Variants in ZNF423 observed in about 807,000 individuals in gnomAD.
ZNF423 encodes zinc finger protein 423.
A neutral mutation model predicts 95.8 loss-of-function variants in ZNF423; 12 were observed. The observed-to-expected ratio is 0.13, with a 90% CI of 0.08 to 0.20. The LOEUF (loss-of-function observed/expected upper bound fraction) is 0.20, where lower values mean the gene tolerates loss of function less well. ZNF423 is among the 10% of genes least tolerant of loss of function. The probability of loss-of-function intolerance (pLI) is 1.00; values close to 1 mark genes in which losing one functional copy is unlikely to be tolerated. For missense variants in ZNF423, 1,316 were observed against 1,737.1 expected, an observed-to-expected ratio of 0.76 and a Z score of 4.31; for synonymous variants, 749 against 711.9, an observed-to-expected ratio of 1.05 and a Z score of -0.83.
chr16:49,583,448 A>G (rs990558888), intron 5 of ZNF423, among the ~76,000 whole-genome samples: 2 of 152,226 alleles, frequency 1.3e-5, no homozygotes, highest in African/African-American at 4.8e-5. Flanking sequence ...ATGTCTATGG[A>G]TTCTAAATGA....
chr16:49,819,417 CAT>C (rs897014893), intron 1 of ZNF423, among the ~76,000 whole-genome samples: 3 of 152,080 alleles, frequency 2.0e-5, no homozygotes, highest in Admixed American at 1.3e-4. Flanking sequence ...CTCTAGAGCA[CAT>C]GTTACTGTTA....
intron 3 of ZNF423, among the ~76,000 whole-genome samples, chr16:49,674,963 C>T (rs2030984568): frequency 6.6e-6 from 1 of 152,206 alleles, no homozygotes; most frequent in Middle Eastern, 3.2e-3. Context: ...GGAAGTCCAT[C>T]CTTCCCACCA....
intron 7 of ZNF423, among the ~76,000 whole-genome samples, chr16:49,507,144 T>C (rs905761498): frequency 1.4e-4 from 21 of 152,200 alleles, no homozygotes; most frequent in African/African-American, 5.1e-4. Flanking sequence ...AGACTAATAA[T>C]ATCTACCTCA....
At chr16:49,847,118 G>C (rs546245066) in intron 1 of ZNF423, 8 of 152,324 alleles carry the variant, frequency 5.3e-5, no homozygotes, top group African/African-American at 1.9e-4. Flanking sequence ...TTCATGCCCA[G>C]GTAACGAAAG....
intron 3 of ZNF423, among the ~76,000 whole-genome samples, chr16:49,682,807 A>T (rs1043753240): frequency 3.3e-5 from 5 of 152,236 alleles, no homozygotes; most frequent in Non-Finnish European, 7.3e-5. Context: ...AAAGAACTCA[A>T]TAAACAGCAA....
chr16:49,829,708 C>T (rs776529296), intron 1 of ZNF423, among the ~76,000 whole-genome samples: 15 of 152,134 alleles, frequency 9.9e-5, no homozygotes, highest in African/African-American at 1.4e-4. Context: ...AGAAGCCCTG[C>T]CAGCAATCCC....
chr16:49,654,641 C>T (rs1012525061), intron 3 of ZNF423, among the ~76,000 whole-genome samples: 12 of 152,240 alleles, frequency 7.9e-5, no homozygotes, highest in African/African-American at 2.9e-4. Flanking sequence ...GATCTGTGTT[C>T]TTCCAAACAT....
chr16:49,677,292 A>AAGG (rs1567284019), intron 3 of ZNF423, among the ~76,000 whole-genome samples: 14 of 81,046 alleles, frequency 1.7e-4, no homozygotes, highest in Admixed American at 4.0e-4. Context: ...AGAAGAGAAG[A>AAGG]GAAGAGAAGA....
rs113486590 is a variant in ZNF423, at chr16:49,733,684, A to T, written c.101-2713T>A. Among the ~76,000 whole-genome samples the T allele has an allele frequency of 2.6e-5, 4 of 152,278 alleles. 1 individual carries two copies. The highest frequency in any genetic ancestry group is 9.6e-5 in the African/African-American group (4 of 41,550). On this transcript the variant is annotated intron_variant, in intron 2 of 7. Coordinates refer to ENST00000563137, the MANE Select transcript of ZNF423 (RefSeq NM_001379286.1). ...CAGGCCACACAAAGGCGCGGACCTC[A>T]TCCTCTGGGCTCCCAAGGGGTCCCA...
intron 2 of ZNF423, among the ~76,000 whole-genome samples, chr16:49,749,162 G>A (rs2033584864): frequency 6.6e-6 from 1 of 152,214 alleles, no homozygotes; most frequent in South Asian, 2.1e-4. Flanking sequence ...ACCAAAGACA[G>A]AAGCCCCAGA....
At chr16:49,801,405 G>A (rs2034581434) in intron 1 of ZNF423, among the ~76,000 whole-genome samples, 1 of 152,224 alleles carries the variant, frequency 6.6e-6, no homozygotes, top group Non-Finnish European at 1.5e-5. Flanking sequence ...GCTCACCTGG[G>A]GGCCCAGACG....
intron 5 of ZNF423, among the ~76,000 whole-genome samples, chr16:49,621,297 C>T (rs1315352774): frequency 6.6e-6 from 1 of 152,090 alleles, no homozygotes; most frequent in East Asian, 1.9e-4. Flanking sequence ...ATTCTCCATG[C>T]GGAGGGGGGA....
At position 49,637,991 on chromosome 16, in the gene ZNF423, G is replaced by T. The variant is rs961941214; in HGVS notation, c.1185C>A (p.Thr395=). ...TCTTCTGCCCCCGCAGCGGCTTCAAGGTGGAGTCCGGGGTGGAGCCACGCT... is the reference window on the plus strand; with the variant it reads ...TCTTCTGCCCCCGCAGCGGCTTCAATGTGGAGTCCGGGGTGGAGCCACGCT... ...SVERGSTPDS[T]LKPLRGQKKM... Residue 395 remains threonine, a synonymous_variant, in exon 4 of 8, where the codon ACC becomes ACA. Coordinates refer to ENST00000563137, the MANE Select transcript of ZNF423 (RefSeq NM_001379286.1). This position sits in a 1 kb window ranked among gnomAD's most constrained non-coding sequence, Gnocchi z 5.6. 6.2e-7 allele frequency: 1 copy of T among 1,614,122 alleles called. No individual in the cohort carries two copies. The highest frequency in any genetic ancestry group is 1.1e-5 in the South Asian group (1 of 91,084).
chr16:49,636,242 C>T lies in ZNF423; in HGVS notation c.2934G>A (p.Ser978=), dbSNP rs1182844306. 6 of 1,612,788 alleles carry T rather than the reference C, an allele frequency of 3.7e-6. No individual in the cohort carries two copies. The highest frequency in any genetic ancestry group is 4.2e-6 in the Non-Finnish European group (5 of 1,179,974). The change falls in exon 4 of 8, where the codon TCG becomes TCA. Residue 978 remains serine, a synonymous_variant. Coordinates refer to ENST00000563137, the MANE Select transcript of ZNF423 (RefSeq NM_001379286.1). The surrounding 1 kb of genome is among the most constrained non-coding windows in gnomAD (Gnocchi z 8.6). ...MCPICGERFP[S]LLTLTEHKVT... is the part of the protein sequence containing the mutation. ...CCTTGTGTTCGGTGAGCGTCAGCAG[C>T]GAAGGGAAGCGCTCACCACAGATGG... is the stretch of plus-strand genomic sequence containing the variant.
chr16:49,636,896 G>A lies in ZNF423; in HGVS notation c.2280C>T (p.Cys760=). Residue 760 remains cysteine, a synonymous_variant, in exon 4 of 8, where the codon TGC becomes TGT. Transcript: ENST00000563137. This position sits in a 1 kb window ranked among gnomAD's most constrained non-coding sequence, Gnocchi z 8.6. ...TGCGGAAGTCCCAGTTGCAGGCCGT[G>A]CAGCGGTACATCTTCTTCTCATTGC... ...KHSNEKKMYR[C]TACNWDFRKE... 6.2e-7 allele frequency: 1 copy of A among 1,614,002 alleles called. No individual in the cohort carries two copies. Among genetic ancestry groups the A allele is most frequent in the Non-Finnish European group, 8.5e-7 (1 of 1,180,040 alleles).
chr16:49,815,881 AAT>A (rs1169322824), intron 1 of ZNF423, among the ~76,000 whole-genome samples: 110 of 47,608 alleles, frequency 2.3e-3, no homozygotes, highest in East Asian at 0.01. Context: ...AAAAAAAAAA[AAT>A]ATATATATAT....
chr16:49,523,056 T>G (rs948713725), intron 7 of ZNF423, among the ~76,000 whole-genome samples: 4 of 152,122 alleles, frequency 2.6e-5, no homozygotes, highest in African/African-American at 9.7e-5. Context: ...TCCTCTCAGT[T>G]ACCACAGGCT....
At chr16:49,539,798 T>TA (rs1002770696) in intron 5 of ZNF423, among the ~76,000 whole-genome samples, 73 of 144,760 alleles carry the variant, frequency 5.0e-4, no homozygotes, top group Non-Finnish European at 4.6e-4. Context: ...CCAGAAATCC[T>TA]AAAAAAAAAA....
At chr16:49,525,619 G>C (rs1055259457) in intron 5 of ZNF423, 125 bp from the exon 6 acceptor site, 7 of 1,379,548 alleles carry the variant, frequency 5.1e-6, no homozygotes, top group Non-Finnish European at 5.9e-6. Context: ...GGCTGGTGAA[G>C]GGACTGCAGA....
Sources: gnomAD v4.1 joint callset for allele counts (sites outside exome capture counted in the v4.1 genomes callset) on GRCh38, gnomAD v4.1.1 for gene constraint, Gnocchi (gnomAD v3.1) non-coding constraint, MANE v1.5 for transcripts, NCBI Gene and HGNC (gene_info 2026-07-23, HGNC 2026-07-21) for gene names.